Variants in POLRMT observed in about 807,000 individuals in gnomAD.
POLRMT encodes the protein RNA polymerase mitochondrial.
Under a neutral mutation model 132.2 loss-of-function variants are expected in POLRMT, and 114 were observed. The observed-to-expected ratio is 0.86, with a 90% CI of 0.74 to 1.01. POLRMT has a LOEUF of 1.01. POLRMT is among the 50% of genes least tolerant of loss of function. The pLI is 0.00. For missense variants in POLRMT, 2,003 were observed against 1,729.1 expected (o/e 1.16, Z -2.81); for synonymous variants, 1,020 against 773.4 (o/e 1.32, Z -5.29).
At chr19:632,622 G>A (rs1455199577) in intron 2 of POLRMT, among the ~76,000 whole-genome samples, 1 of 152,146 alleles carries the variant, frequency 6.6e-6, no homozygotes, top group African/African-American at 2.4e-5. Context: ...TGGGGAGGGG[G>A]AATTACGAGA....
Position 617,465 on chromosome 19 carries a change from C to G in POLRMT, c.3597G>C (p.Leu1199Phe). Residue 1199 changes from leucine to phenylalanine, a missense_variant, in exon 20 of 21, where the codon TTG becomes TTC. Transcript: ENST00000588649. ...GTGTCTCCTTCAGCTGGCTGGCCTC[C>G]AAGATCTTCTGGGGCCTGGGGTTGG... ...KRFCSEPQKI[L>F]EASQLKETLQ... is the part of the protein sequence containing the mutation. 5.6e-6 allele frequency: 9 copies of G among 1,597,428 alleles called. No individual in the cohort carries two copies. Among genetic ancestry groups the G allele is most frequent in the Non-Finnish European group, 7.7e-6 (9 of 1,171,234 alleles).
rs748301798 is a variant in POLRMT at position 621,355 on chromosome 19, G to A, written c.2343C>T (p.Tyr781=). The change falls in exon 10 of 21, where the codon TAC becomes TAT. Residue 781 remains tyrosine (Y), a synonymous_variant. Transcript: ENST00000588649. The stretch of plus-strand genomic sequence containing the variant: ...GCAGGTGCTGCGCCAGCGAGAGGCG[G>A]TACAGCGCCTCCGCCCGCAGGCTGT... ...EMHSLRAEAL[Y]RLSLAQHLRD... is the part of the protein sequence containing the mutation. 2.0e-5 allele frequency: 31 copies of A among 1,577,468 alleles called. No homozygotes were observed. In the East Asian group the frequency reaches 5.7e-4, roughly 29 times the overall value.
intron 7 of POLRMT, 31 bp downstream of exon 7, chr19:622,790 C>G (rs774948274): frequency 6.4e-7 from 1 of 1,571,102 alleles, no homozygotes; most frequent in Admixed American, 1.9e-5. Flanking sequence ...CCGCCCCGCC[C>G]GGGGACCCGG....
chr19:620,604 C>CACGGGACGCATGTGGGCGAGAG (rs1280682116), intron 10 of POLRMT, 117 bp from the exon 11 acceptor site: 2 of 1,289,832 alleles, frequency 1.6e-6, no homozygotes, highest in Non-Finnish European at 2.1e-6. Context: ...TGATAGTGAA[C>CACGGGACGCATGTGGGCGAGAG]ACGGGACGCA....
At chr19:631,486 A>G (rs982449075) in intron 2 of POLRMT, among the ~76,000 whole-genome samples, 8 of 151,674 alleles carry the variant, frequency 5.3e-5, no homozygotes, top group Non-Finnish European at 1.5e-5. Flanking sequence ...AAAAATACGA[A>G]AAATTAACCG....
intron 3 of POLRMT, chr19:625,538 T>C: frequency 5.3e-6 from 2 of 379,398 alleles, no homozygotes; most frequent in Non-Finnish European, 9.5e-6. Context: ...GTGGATCTTT[T>C]CAAAGGACTG....
rs1051889942 is a variant in POLRMT, at chr19:632,866, C to T, written c.161G>A (p.Arg54Lys). 11 of 1,552,994 alleles carry T rather than the reference C, an allele frequency of 7.1e-6. No homozygotes were observed. Among genetic ancestry groups the T allele is most frequent in the Non-Finnish European group, 9.5e-6 (11 of 1,152,604 alleles). ...CAGCTCCACGTGGCCCCAGTCCTTC[C>T]TGCGGTCTTGGTCTTGCTCCTGGGG... ...ASPQEQDQDR[R>K]KDWGHVELLE... Residue 54 changes from arginine (R) to lysine (K), a missense_variant, in exon 2 of 21, where the codon AGG becomes AAG. Arg to Lys is a conservative substitution (Grantham distance 26, BLOSUM62 2). Coordinates refer to ENST00000588649, the MANE Select transcript of POLRMT (RefSeq NM_005035.4).
intron 3 of POLRMT, among the ~76,000 whole-genome samples, chr19:628,385 G>A (rs1438119045): frequency 6.6e-6 from 1 of 152,202 alleles, no homozygotes; most frequent in African/African-American, 2.4e-5. Context: ...CCTGCAGCAA[G>A]GAGGAACCAG....
chr19:625,396 G>C (rs968839146), intron 3 of POLRMT, 142 bp from the exon 4 acceptor site: 3 of 1,101,348 alleles, frequency 2.7e-6, no homozygotes, highest in East Asian at 2.6e-5. Flanking sequence ...TGGGCAGACC[G>C]ATGCATCCCC....
chr19:632,834 C>T lies in POLRMT; in HGVS notation c.193G>A (p.Val65Met). The change falls in exon 2 of 21, where the codon GTG becomes ATG. Residue 65 changes from valine to methionine, a missense_variant and splice_region_variant. Coordinates refer to ENST00000588649, the MANE Select transcript of POLRMT (RefSeq NM_005035.4). Reference sequence around the variant, plus strand: ...GGGCCGCCGTGGGGGTCGCGCTCACCCTCCAGCAGCTCCACGTGGCCCCAG... The same window carrying T: ...GGGCCGCCGTGGGGGTCGCGCTCACTCTCCAGCAGCTCCACGTGGCCCCAG... ...KDWGHVELLE[V>M]LQARVRQLQA... The T allele has an allele frequency of 6.5e-7, 1 of 1,536,910 alleles. No homozygotes were observed. The highest frequency in any genetic ancestry group is 2.6e-5 in the East Asian group (1 of 38,624).
Position 617,589 on chromosome 19 carries a change from C to G in POLRMT, c.3562G>C (p.Val1188Leu). Residue 1188 changes from valine to leucine, a missense_variant, in exon 19 of 21, where the codon GTC becomes CTC. By Grantham distance (32) the Val-to-Leu change is conservative. Transcript: ENST00000588649. ...CCTTACTCAGAGCAGAACCGCTTGACCAGGAATCTGGACAGGTCCTGCAGG... is the reference window on the plus strand; with the variant it reads ...CCTTACTCAGAGCAGAACCGCTTGAGCAGGAATCTGGACAGGTCCTGCAGG... ...PILQDLSRFL[V>L]KRFCSEPQKI... 6.2e-7 allele frequency: 1 copy of G among 1,612,246 alleles called. No homozygotes were observed. Among genetic ancestry groups the G allele is most frequent in the Non-Finnish European group, 8.5e-7 (1 of 1,179,986 alleles).
At position 624,764 on chromosome 19, in the gene POLRMT, C is replaced by G. The variant is rs752537530; in HGVS notation, c.1095G>C (p.Pro365=). 2 of 1,613,840 alleles carry G rather than the reference C, an allele frequency of 1.2e-6. No individual in the cohort carries two copies. Among genetic ancestry groups the G allele is most frequent in the East Asian group, 4.5e-5 (2 of 44,890 alleles). ...GCAGCTTGGAGGTGTTGACCGGGGG[C>G]GGCAGCTGCGGCGGGAGGCTGAAGG... is the stretch of plus-strand genomic sequence containing the variant. ...KPTFSLPPQL[P]PPVNTSKLLR... is the part of the protein sequence containing the mutation. The change falls in exon 5 of 21, where the codon CCG becomes CCC. Residue 365 remains proline, a synonymous_variant. Coordinates refer to ENST00000588649, the MANE Select transcript of POLRMT (RefSeq NM_005035.4).
At chr19:622,018 G>C in intron 9 of POLRMT, 131 bp downstream of exon 9, 1 of 1,148,880 alleles carries the variant, frequency 8.7e-7, no homozygotes, top group Non-Finnish European at 1.2e-6. Flanking sequence ...GACACCCATG[G>C]TGTGTCCCGA....
intron 5 of POLRMT, among the ~76,000 whole-genome samples, chr19:624,287 G>A (rs1312427400): frequency 6.6e-6 from 1 of 152,202 alleles, no homozygotes; most frequent in East Asian, 1.9e-4. Context: ...GGGAGGGGAT[G>A]GGGAGTGACG....
intron 2 of POLRMT, among the ~76,000 whole-genome samples, chr19:632,096 G>A (rs1010515547): frequency 2.1e-5 from 3 of 142,914 alleles, no homozygotes; most frequent in South Asian, 2.2e-4. Context: ...CTCTTGATCC[G>A]CCCACCTTGG....
At chr19:620,280 C>T in intron 11 of POLRMT, 85 bp downstream of exon 11, 5 of 1,464,536 alleles carry the variant, frequency 3.4e-6, no homozygotes, top group Non-Finnish European at 4.5e-6. Context: ...ATACCACGAG[C>T]GAAGGTGAAA....
At position 621,664 on chromosome 19, in the gene POLRMT, C is replaced by A; in HGVS notation, c.2034G>T (p.Thr678=). The part of the protein sequence containing the change: ...TKLMRTVEGA[T]QHQELLETCP... ...AGGTTTCCAGCAGCTCCTGGTGCTG[C>A]GTGGCGCCTTCCACCGTGCGCATCA... is the stretch of plus-strand genomic sequence containing the variant. Residue 678 remains threonine (T), a synonymous_variant, in exon 10 of 21, where the codon ACG becomes ACT. Coordinates refer to ENST00000588649, the MANE Select transcript of POLRMT (RefSeq NM_005035.4). 6.5e-7 allele frequency: 1 copy of A among 1,547,612 alleles called. No individual in the cohort carries two copies. The highest frequency in any genetic ancestry group is 8.7e-7 in the Non-Finnish European group (1 of 1,149,810).
rs751370183 is a variant in POLRMT at position 619,609 on chromosome 19, G to A, written c.3043C>T (p.Arg1015Trp). The A allele has an allele frequency of 4.8e-5, 77 of 1,611,022 alleles. No homozygotes were observed. Among genetic ancestry groups the A allele is most frequent in the East Asian group, 4.0e-4 (18 of 44,888 alleles). The change falls in exon 13 of 21, where the codon CGG becomes TGG. Residue 1015 changes from arginine (R) to tryptophan (W), a missense_variant. Physicochemically the swap from Arg to Trp is moderately radical, Grantham distance 101. Coordinates refer to ENST00000588649, the MANE Select transcript of POLRMT (RefSeq NM_005035.4). Reference protein sequence around the residue: ...GGRLQIEKRLRELSDFPQEFV... With the variant: ...GGRLQIEKRLWELSDFPQEFV... ...ACCTGGGGAAAGTCGCTCAGCTCCC[G>A]GAGGCGCTTCTCAATCTGCAGGCGC...
In POLRMT at chr19:620,410, G is replaced by A. The variant is rs749755810; in HGVS notation, c.2718C>T (p.Arg906=). The change falls in exon 11 of 21, where the codon CGC becomes CGT. Residue 906 remains arginine (R), a synonymous_variant. Transcript: ENST00000588649. ...ACCMEVANAV[R]ASDPAAYVSH... ...AGACATAGGCGGCAGGGTCGGAGGC[G>A]CGCACAGCGTTCGCCACCTCCATAC... The A allele has an allele frequency of 8.2e-6, 13 of 1,590,090 alleles. No individual in the cohort carries two copies. The highest frequency in any genetic ancestry group is 7.0e-5 in the Admixed American group (4 of 57,246).
Sources: gnomAD v4.1 joint callset for allele counts (sites outside exome capture counted in the v4.1 genomes callset) on GRCh38, gnomAD v4.1.1 for gene constraint, MANE v1.5 for transcripts, NCBI Gene and HGNC (gene_info 2026-07-23, HGNC 2026-07-21) for gene names.